NLGN4Y: variants seen among roughly 807,000 people sequenced by gnomAD.
NLGN4Y encodes the protein neuroligin-4, Y-linked.
Under a neutral mutation model 8.4 loss-of-function variants are expected in NLGN4Y, and 4 were observed. The observed-to-expected ratio is 0.48, with a 90% CI of 0.23 to 1.09. The LOEUF (loss-of-function observed/expected upper bound fraction) is 1.09, where lower values mean the gene tolerates loss of function less well. NLGN4Y is among the 50% of genes least tolerant of loss of function. The pLI is 0.19. For synonymous variants in NLGN4Y, 35 were observed against 75.6 expected, an observed-to-expected ratio of 0.46 and a Z score of 2.78; for missense variants, 90 against 192.3, an observed-to-expected ratio of 0.47 and a Z score of 3.15.
intron 1 of NLGN4Y, among the ~76,000 whole-genome samples, chrY:14,555,286 G>A: frequency 3.0e-5 from 1 of 33,456 alleles, no homozygotes; most frequent in Admixed American, 2.7e-4. Context: ...GAGTTCTGGA[G>A]GCTGGGAATT....
chrY:14,650,395 T>C (rs2080626003), intron 2 of NLGN4Y, among the ~76,000 whole-genome samples: 1 of 33,916 alleles, frequency 2.9e-5, no homozygotes, highest in Non-Finnish European at 7.3e-5. Context: ...CTATTATGCC[T>C]GGTTTAGTTT....
chrY:14,740,594 C>T (rs772052476), intron 4 of NLGN4Y, among the ~76,000 whole-genome samples: 6 of 33,504 alleles, frequency 1.8e-4, no homozygotes, highest in African/African-American at 7.0e-4. Context: ...AATAATGCAA[C>T]ATGTAAGGCT....
At chrY:14,664,060 A>G (rs769728521) in intron 2 of NLGN4Y, among the ~76,000 whole-genome samples, 3 of 32,241 alleles carry the variant, frequency 9.3e-5, no homozygotes, top group Non-Finnish European at 1.5e-4. Context: ...ATCTATATTC[A>G]TGGTATACTT....
At chrY:14,535,464 C>T (rs1008074229) in intron 1 of NLGN4Y, among the ~76,000 whole-genome samples, 1 of 32,556 alleles carries the variant, frequency 3.1e-5, no homozygotes, top group Admixed American at 2.9e-4. Flanking sequence ...CTGTGTAAAA[C>T]AGTAACAAAC....
intron 1 of NLGN4Y, among the ~76,000 whole-genome samples, chrY:14,596,801 C>T (rs111868713): frequency 6.0e-5 from 2 of 33,166 alleles, no homozygotes; most frequent in Non-Finnish European, 1.5e-4. Context: ...ATATAGCAAG[C>T]GAAAGGGGTC....
At chrY:14,631,575 C>T in intron 2 of NLGN4Y, among the ~76,000 whole-genome samples, 1 of 34,431 alleles carries the variant, frequency 2.9e-5, no homozygotes, top group East Asian at 7.6e-4. Flanking sequence ...TCCACAGATA[C>T]ACTATTTTGA....
chrY:14,710,136 G>C (rs954206021), intron 2 of NLGN4Y, among the ~76,000 whole-genome samples: 16 of 33,560 alleles, frequency 4.8e-4, no homozygotes, highest in Non-Finnish European at 1.0e-3. Flanking sequence ...TGTAAGCTTG[G>C]GCAAATTATT....
intron 6 of NLGN4Y, among the ~76,000 whole-genome samples, chrY:14,834,497 T>A (rs977277407): frequency 1.2e-4 from 4 of 34,231 alleles, no homozygotes; most frequent in Admixed American, 1.0e-3. Flanking sequence ...ACAGAGTGTA[T>A]TAATGCAGTG....
intron 1 of NLGN4Y, 175 bp downstream of exon 1, chrY:14,524,883 T>C (rs1232994089): frequency 8.2e-6 from 1 of 121,872 alleles, no homozygotes; most frequent in Non-Finnish European, 1.8e-5. Context: ...CTGGACGCCC[T>C]TTCCTCCCCT....
At chrY:14,758,279 G>C (rs781681876) in intron 4 of NLGN4Y, among the ~76,000 whole-genome samples, 4 of 33,409 alleles carry the variant, frequency 1.2e-4, no homozygotes, top group African/African-American at 4.7e-4. Flanking sequence ...GGCATCTTCT[G>C]AACCTGTGGA....
chrY:14,715,747 C>T (rs753400589), intron 2 of NLGN4Y, among the ~76,000 whole-genome samples: 1 of 32,591 alleles, frequency 3.1e-5, no homozygotes, highest in South Asian at 7.1e-4. Context: ...CAAACCTGCA[C>T]GTTCTGCACA....
intron 2 of NLGN4Y, among the ~76,000 whole-genome samples, chrY:14,626,656 T>A: frequency 3.0e-5 from 1 of 33,663 alleles, no homozygotes; most frequent in East Asian, 7.9e-4. Context: ...TTGGGCAGCC[T>A]GCTTCCATTC....
chrY:14,525,087 AGGAGCG>A (rs2080088065), intron 1 of NLGN4Y, among the ~76,000 whole-genome samples: 2 of 33,147 alleles, frequency 6.0e-5, no homozygotes, highest in African/African-American at 2.4e-4. Context: ...TTGTACCCGG[AGGAGCG>A]GGAGCGGGAG....
intron 5 of NLGN4Y, among the ~76,000 whole-genome samples, chrY:14,828,109 T>C: frequency 3.0e-5 from 1 of 33,353 alleles, no homozygotes; most frequent in African/African-American, 1.2e-4. Context: ...ATTATGTTAA[T>C]TCCCAACATA....
chrY:14,797,556 A>C, intron 4 of NLGN4Y, among the ~76,000 whole-genome samples: 1 of 33,430 alleles, frequency 3.0e-5, no homozygotes, highest in Admixed American at 2.7e-4. Flanking sequence ...TAGGCCTCCC[A>C]TACTGCTGGG....
chrY:14,676,787 C>G, intron 2 of NLGN4Y, among the ~76,000 whole-genome samples: 4 of 33,691 alleles, frequency 1.2e-4, no homozygotes, highest in Non-Finnish European at 2.9e-4. Context: ...CCTCTAAAAC[C>G]TATTCCTCAC....
intron 4 of NLGN4Y, among the ~76,000 whole-genome samples, chrY:14,753,372 C>T (rs936342033): frequency 4.1e-3 from 124 of 30,612 alleles, no homozygotes; most frequent in Non-Finnish European, 9.3e-3. Context: ...CTCCTGAGCT[C>T]AGGCAATCCA....
intron 4 of NLGN4Y, among the ~76,000 whole-genome samples, chrY:14,793,367 A>G: frequency 3.0e-5 from 1 of 33,550 alleles, no homozygotes; most frequent in Non-Finnish European, 7.4e-5. Flanking sequence ...ACTTTCTTGC[A>G]AAATATCCCC....
intron 1 of NLGN4Y, among the ~76,000 whole-genome samples, chrY:14,556,283 C>T (rs995670274): frequency 2.4e-4 from 8 of 33,553 alleles, no homozygotes; most frequent in South Asian, 2.0e-3. Context: ...ACTCTACCTG[C>T]TAATTTGCTT....
Sources: allele counts gnomAD v4.1 joint callset (sites outside exome capture counted in the v4.1 genomes callset), GRCh38; gene constraint gnomAD v4.1.1; transcripts MANE v1.5; gene names NCBI Gene and HGNC (gene_info 2026-07-23, HGNC 2026-07-21).